The following SGCD variants were observed in gnomAD, a reference collection of about 807,000 sequenced individuals.
SGCD encodes the protein delta-sarcoglycan.
SGCD carries 18 observed loss-of-function variants against 36.6 expected under a neutral mutation model. The observed-to-expected ratio is 0.49, with a 90% CI of 0.34 to 0.73. The LOEUF (loss-of-function observed/expected upper bound fraction) is 0.73. SGCD is among the 30% of genes least tolerant of loss of function. SGCD has a pLI of 0.01. For missense variants in SGCD, 387 were observed against 346.7 expected (o/e 1.12, Z -0.92); for synonymous variants, 133 against 130.6 (o/e 1.02, Z -0.12).
intron 3 of SGCD, among the ~76,000 whole-genome samples, chr5:156,395,567 C>G (rs1771802536): frequency 6.6e-6 from 1 of 152,138 alleles, no homozygotes; most frequent in Admixed American, 6.5e-5. Context: ...GGACTCAGTT[C>G]TGTTTTATAT....
chr5:156,332,450 C>A (rs1768114533), intron 2 of SGCD, among the ~76,000 whole-genome samples: 2 of 152,134 alleles, frequency 1.3e-5, no homozygotes, highest in East Asian at 1.9e-4. Flanking sequence ...ATTCATTGAC[C>A]CCGCTATCTG....
the SGCD span, among the ~76,000 whole-genome samples, chr5:155,798,467 T>C: frequency 2.6e-5 from 4 of 152,232 alleles, no homozygotes; most frequent in East Asian, 1.9e-4. Context: ...ACTATTTCTA[T>C]AGAAGAATTT....
intron 3 of SGCD, among the ~76,000 whole-genome samples, chr5:156,281,435 G>C (rs1766450135): frequency 6.6e-6 from 1 of 152,156 alleles, no homozygotes; most frequent in African/African-American, 2.4e-5. Context: ...AGGGTATCCT[G>C]TGTGCCTGTG....
the SGCD span, among the ~76,000 whole-genome samples, chr5:155,746,588 G>A: frequency 6.6e-6 from 1 of 152,070 alleles, no homozygotes. Context: ...TCAAGTTCCT[G>A]TCTCTTGTCT....
At chr5:156,567,585 GT>G (rs1759547959) in intron 4 of SGCD, among the ~76,000 whole-genome samples, 2 of 152,092 alleles carry the variant, frequency 1.3e-5, no homozygotes, top group Non-Finnish European at 2.9e-5. Flanking sequence ...CCTTCGTCCT[GT>G]TTAGGCCTTC....
At chr5:155,936,034 A>G (rs1757189395) in intron 1 of SGCD, among the ~76,000 whole-genome samples, 1 of 152,058 alleles carries the variant, frequency 6.6e-6, no homozygotes, top group Non-Finnish European at 1.5e-5. Flanking sequence ...GACACCAGGG[A>G]ATGCTGTGGC....
intron 3 of SGCD, among the ~76,000 whole-genome samples, chr5:156,283,500 T>C (rs1203604150): frequency 6.6e-6 from 1 of 152,212 alleles, no homozygotes; most frequent in Non-Finnish European, 1.5e-5. Flanking sequence ...TGTGATGAGC[T>C]GATGAGCATT....
chr5:156,030,713 T>C (rs1759329475), intron 1 of SGCD, among the ~76,000 whole-genome samples: 1 of 152,054 alleles, frequency 6.6e-6, no homozygotes. Flanking sequence ...CATAGGGGGT[T>C]GTGGGCCTAT....
chr5:156,564,759 T>C (rs934370616), intron 4 of SGCD, among the ~76,000 whole-genome samples: 33 of 152,224 alleles, frequency 2.2e-4, no homozygotes, highest in South Asian at 1.5e-3. Context: ...ATCATTTTTT[T>C]GGCTGGCCTA....
chr5:156,027,597 C>T (rs555879110), intron 1 of SGCD, among the ~76,000 whole-genome samples: 2 of 152,104 alleles, frequency 1.3e-5, no homozygotes, highest in Admixed American at 1.3e-4. Context: ...AAATGCTATA[C>T]ATTTCCCAGA....
At chr5:156,181,081 A>G (rs1264753416) in intron 3 of SGCD, among the ~76,000 whole-genome samples, 2 of 152,160 alleles carry the variant, frequency 1.3e-5, no homozygotes, top group Non-Finnish European at 2.9e-5. Context: ...GGGAAGGAGG[A>G]TCAGAGAGTC....
intron 6 of SGCD, among the ~76,000 whole-genome samples, chr5:156,598,688 C>CACTTCACCACTTT (rs1415481094): frequency 2.6e-5 from 4 of 152,208 alleles, no homozygotes; most frequent in Admixed American, 2.0e-4. Context: ...CATCATGAGT[C>CACTTCACCACTTT]ACTTCACCAC....
chr5:156,630,354 T>TG (rs2113529481), intron 6 of SGCD, among the ~76,000 whole-genome samples: 1 of 152,268 alleles, frequency 6.6e-6, no homozygotes, highest in East Asian at 1.9e-4. Context: ...GATGGACAGA[T>TG]GGACAAATGG....
intron 1 of SGCD, among the ~76,000 whole-genome samples, chr5:155,999,447 A>G (rs1183310896): frequency 1.3e-5 from 2 of 152,186 alleles, no homozygotes; most frequent in Non-Finnish European, 2.9e-5. Context: ...TGATCCTTTT[A>G]AACTGGGGAG....
chr5:156,019,001 C>G (rs1221201628), intron 1 of SGCD, among the ~76,000 whole-genome samples: 1 of 152,156 alleles, frequency 6.6e-6, no homozygotes, highest in Admixed American at 6.6e-5. Flanking sequence ...CAGGGAAATT[C>G]ATAATGTCCA....
chr5:155,881,640 T>A lies in SGCD; in HGVS notation c.-282+11216T>A, dbSNP rs562084498. Among the ~76,000 whole-genome samples the A allele has an allele frequency of 2.6e-5, 4 of 152,348 alleles. No individual in the cohort carries two copies. The South Asian group carries it at 6.2e-4, about 24-fold the overall frequency. On this transcript the variant is annotated intron_variant, in intron 1 of 9. Transcript: ENST00000517913. The stretch of plus-strand genomic sequence containing the variant: ...ACAACAATGAAGTTTGCCTCCTTGA[T>A]GGATTCTTCCTTTCACGAAAGATTT...
intron 4 of SGCD, among the ~76,000 whole-genome samples, chr5:156,533,842 T>C (rs1327835638): frequency 6.6e-6 from 1 of 152,226 alleles, no homozygotes; most frequent in African/African-American, 2.4e-5. Flanking sequence ...CAAGAACCCA[T>C]AATGATTCTC....
At chr5:156,648,528 C>T (rs947792793) in intron 7 of SGCD, among the ~76,000 whole-genome samples, 7 of 152,076 alleles carry the variant, frequency 4.6e-5, no homozygotes, top group Non-Finnish European at 7.4e-5. Flanking sequence ...AAACCCATAG[C>T]ATTTTTTGCA....
At chr5:156,027,277 G>T (rs772968958) in intron 1 of SGCD, among the ~76,000 whole-genome samples, 1 of 152,062 alleles carries the variant, frequency 6.6e-6, no homozygotes, top group Non-Finnish European at 1.5e-5. Context: ...AATCCAAGTT[G>T]GGCACCAAGT....
Sources: gnomAD v4.1 joint callset for allele counts (sites outside exome capture counted in the v4.1 genomes callset) on GRCh38, gnomAD v4.1.1 for gene constraint, MANE v1.5 for transcripts, NCBI Gene and HGNC (gene_info 2026-07-23, HGNC 2026-07-21) for gene names.